The following PCDHA9 variants were observed in gnomAD, a reference collection of about 807,000 sequenced individuals.
PCDHA9 encodes protocadherin alpha-9.
In PCDHA9, 62 loss-of-function variants were observed where a neutral mutation model predicts 62.0. The ratio of observed to expected loss-of-function variants is 1.00; its 90% confidence interval spans 0.81 to 1.23. The LOEUF (loss-of-function observed/expected upper bound fraction) is 1.23. PCDHA9 is among the 50% of genes most tolerant of loss of function. PCDHA9 has a pLI of 0.00. For synonymous variants in PCDHA9, 557 were observed against 567.6 expected (o/e 0.98, Z 0.27); for missense variants, 1,205 against 1,249.8 (o/e 0.96, Z 0.54).
At chr5:140,964,454 T>C (rs1392277569) in intron 1 of PCDHA9, among the ~76,000 whole-genome samples, 1 of 152,132 alleles carries the variant, frequency 6.6e-6, no homozygotes, top group Admixed American at 6.5e-5. Flanking sequence ...CTGTAATCTC[T>C]TCCTTAAGTG....
At chr5:140,870,299 C>T (rs62622798) in intron 1 of PCDHA9, 44,120 of 1,614,102 alleles carry the variant, frequency 0.027, 770 homozygotes, top group Admixed American at 0.064. Flanking sequence ...CTGGTGTCCA[C>T]CTTCAAGAAT....
intron 1 of PCDHA9, among the ~76,000 whole-genome samples, chr5:140,898,029 TG>T (rs1583292931): frequency 6.6e-6 from 1 of 152,188 alleles, no homozygotes; most frequent in East Asian, 1.9e-4. Context: ...CACTTTTTGA[TG>T]GGGTTGTTTG....
intron 1 of PCDHA9, among the ~76,000 whole-genome samples, chr5:140,880,113 C>T (rs957295411): frequency 4.6e-5 from 7 of 152,220 alleles, no homozygotes; most frequent in Admixed American, 3.3e-4. Context: ...GAAGGATAGA[C>T]AACAGGAAGC....
At chr5:140,976,470 G>A (rs1388811059) in intron 1 of PCDHA9, among the ~76,000 whole-genome samples, 3 of 152,116 alleles carry the variant, frequency 2.0e-5, no homozygotes, top group Non-Finnish European at 4.4e-5. Context: ...AGAATTGCTT[G>A]AATCCGGGAG....
intron 1 of PCDHA9, chr5:140,882,132 A>G: frequency 6.8e-7 from 1 of 1,475,878 alleles, no homozygotes; most frequent in Non-Finnish European, 9.1e-7. Flanking sequence ...TTCTTCCTGC[A>G]GAAAATATAG....
At chr5:140,954,834 G>A (rs879960376) in intron 1 of PCDHA9, among the ~76,000 whole-genome samples, 1 of 152,154 alleles carries the variant, frequency 6.6e-6, no homozygotes, top group African/African-American at 2.4e-5. Context: ...CTTTTGTCAT[G>A]AAATCTTTGC....
chr5:140,890,386 A>T (rs905205351), intron 1 of PCDHA9, among the ~76,000 whole-genome samples: 1 of 152,202 alleles, frequency 6.6e-6, no homozygotes, highest in African/African-American at 2.4e-5. Context: ...TCTTTCTTAG[A>T]TAATCTATAA....
intron 1 of PCDHA9, among the ~76,000 whole-genome samples, chr5:140,915,885 G>A (rs1487160672): frequency 6.6e-6 from 1 of 152,204 alleles, no homozygotes; most frequent in Admixed American, 6.5e-5. Context: ...AGGGTAGCAA[G>A]TTCCCCCTGG....
At chr5:140,875,476 G>T in intron 1 of PCDHA9, 1 of 1,610,156 alleles carries the variant, frequency 6.2e-7, no homozygotes, top group South Asian at 1.1e-5. Flanking sequence ...TTCTGCAATG[G>T]TGATTATCGG....
rs1308888029 is a variant in PCDHA9 at position 141,011,344 on chromosome 5, A to G, written c.*1407A>G. Reference sequence around the variant, plus strand: ...ACACCTATGATGTTACCTGAAATCAATCTCCCATATGTATGCTGTATGCTA... The same window carrying G: ...ACACCTATGATGTTACCTGAAATCAGTCTCCCATATGTATGCTGTATGCTA... On this transcript the variant is annotated 3_prime_UTR_variant, in exon 4 of 4. Coordinates refer to ENST00000532602, the MANE Select transcript of PCDHA9 (RefSeq NM_031857.2). 3 of 153,730 alleles carry G rather than the reference A, an allele frequency of 2.0e-5. No homozygotes were observed. The highest frequency in any genetic ancestry group is 2.9e-5 in the Non-Finnish European group (2 of 68,040). The allele number at this position is 153,730 out of a possible 1,614,324, so 9.5% of individuals were successfully genotyped here.
At chr5:140,851,412 A>G in intron 1 of PCDHA9, 2 of 962,264 alleles carry the variant, frequency 2.1e-6, no homozygotes, top group East Asian at 1.1e-4. Context: ...TAAGAAAGAA[A>G]CTTCCCCTAA....
Position 141,009,639 on chromosome 5 carries a change from G to A in PCDHA9, c.2555G>A (p.Gly852Glu). The stretch of plus-strand genomic sequence containing the variant: ...TTTTGTCTTTCAGAACCAGAGGCAG[G>A]AGAAGTGTCCCCTCCAGTCGGTGCG... ...VSSATPEPEA[G>E]EVSPPVGAGV... The change falls in exon 4 of 4, where the codon GGA becomes GAA. Residue 852 changes from glycine to glutamate, a missense_variant. Transcript: ENST00000532602. The A allele has an allele frequency of 6.2e-7, 1 of 1,613,406 alleles. No individual in the cohort carries two copies. The highest frequency in any genetic ancestry group is 8.5e-7 in the Non-Finnish European group (1 of 1,179,594).
At chr5:140,899,217 C>T (rs1467184800) in intron 1 of PCDHA9, among the ~76,000 whole-genome samples, 1 of 152,040 alleles carries the variant, frequency 6.6e-6, no homozygotes, top group Non-Finnish European at 1.5e-5. Flanking sequence ...GCCAGAACTT[C>T]CAACACTATG....
At chr5:140,856,545 T>C in intron 1 of PCDHA9, 1 of 1,598,250 alleles carries the variant, frequency 6.3e-7, no homozygotes, top group South Asian at 1.1e-5. Context: ...GAGAACGCAT[T>C]GCTTACTTAC....
intron 1 of PCDHA9, among the ~76,000 whole-genome samples, chr5:140,918,655 T>C (rs1248144760): frequency 6.6e-6 from 1 of 152,218 alleles, no homozygotes; most frequent in Non-Finnish European, 1.5e-5. Context: ...CTAATTCTCA[T>C]GTTGATGGTA....
In PCDHA9 at chr5:140,853,715, G is replaced by T; in HGVS notation, c.2394+2826G>T. ...ACCTGCTAACGCATTAGCATTAGCA[G>T]CACCTAAGTCCTCATTGAATGTTCT... is the stretch of plus-strand genomic sequence containing the variant. On this transcript the variant is annotated intron_variant, in intron 1 of 3. Coordinates refer to ENST00000532602, the MANE Select transcript of PCDHA9 (RefSeq NM_031857.2). 6 of 988,172 alleles carry T rather than the reference G, an allele frequency of 6.1e-6. 1 individual carries two copies. The highest frequency in any genetic ancestry group is 7.3e-6 in the Non-Finnish European group (6 of 820,144). 61.2% of individuals were successfully genotyped at this position (988,172 alleles called of 1,614,324 possible). A position where few individuals can be genotyped will look rare whatever the true frequency, so the allele number is the denominator to read the frequency against.
Position 140,850,454 on chromosome 5 carries a change from C to A in PCDHA9, c.1959C>A (p.Asp653Glu), listed in dbSNP as rs2150484793. The change falls in exon 1 of 4, where the codon GAC (aspartate) becomes GAA (glutamate). Residue 653 changes from aspartate (D) to glutamate (E), a missense_variant. Asp to Glu is a conservative substitution (Grantham distance 45). This residue lies in a region of PCDHA9 where 887 missense variants were observed against 809.5 expected (regional missense o/e 1.10). Transcript: ENST00000532602. ...AGCGCCTACTGGTGCTGGTGAAAGA[C>A]CACGGGGAGCCAGCGCTGACGGCCA... ...PRQRLLVLVKDHGEPALTATA... is the reference protein window; with the variant it reads ...PRQRLLVLVKEHGEPALTATA... The A allele has an allele frequency of 4.4e-6, 7 of 1,597,724 alleles. No homozygotes were observed. Among genetic ancestry groups the A allele is most frequent in the Non-Finnish European group, 5.1e-6 (6 of 1,167,670 alleles).
At chr5:140,966,860 T>TTGC (rs148181752) in intron 1 of PCDHA9, 11 of 1,577,372 alleles carry the variant, frequency 7.0e-6, no homozygotes, top group Non-Finnish European at 9.4e-6. Flanking sequence ...CCTGCTGCTG[T>TTGC]TGCTGCTGCT....
At chr5:140,923,275 C>T (rs1296197801) in intron 1 of PCDHA9, among the ~76,000 whole-genome samples, 1 of 152,128 alleles carries the variant, frequency 6.6e-6, no homozygotes, top group African/African-American at 2.4e-5. Flanking sequence ...CTTGTCTCTA[C>T]AAAAAATTAA....
Sources: gnomAD v4.1 joint callset for allele counts (sites outside exome capture counted in the v4.1 genomes callset) on GRCh38, gnomAD v4.1.1 for gene constraint, gnomAD v4.1.1 regional missense constraint, MANE v1.5 for transcripts, NCBI Gene and HGNC (gene_info 2026-07-23, HGNC 2026-07-21) for gene names.